HAL: variants seen among roughly 807,000 people sequenced by gnomAD.
HAL encodes the protein histidine ammonia-lyase.
HAL carries 85 observed loss-of-function variants against 81.1 expected under a neutral mutation model. The observed-to-expected ratio is 1.05, with a 90% CI of 0.88 to 1.25. HAL has a LOEUF of 1.25. Ranked by LOEUF, HAL falls within the 50% of genes most tolerant of loss-of-function variation. HAL has a pLI of 0.00. For missense variants in HAL, 798 were observed against 836.6 expected, an observed-to-expected ratio of 0.95 and a Z score of 0.57; for synonymous variants, 301 against 309.2, an observed-to-expected ratio of 0.97 and a Z score of 0.28.
In HAL at chr12:95,989,731, T is replaced by A. The variant is rs577095692; in HGVS notation, c.855+662A>T. 2.5e-5 allele frequency: 4 copies of A among 157,016 alleles called. No individual in the cohort carries two copies. The East Asian group carries it at 7.6e-4, about 30-fold the overall frequency. The allele number at this position is 157,016 out of a possible 1,614,324, so 9.7% of individuals were successfully genotyped here. Reference sequence around the variant, plus strand: ...GAAAACGCTGTCCATAGTGAAATAATCAAAGACAAGCCTGCACGGAAGACA... The same window carrying A: ...GAAAACGCTGTCCATAGTGAAATAAACAAAGACAAGCCTGCACGGAAGACA... On this transcript the variant is annotated intron_variant, in intron 10 of 20. Coordinates refer to ENST00000261208, the MANE Select transcript of HAL (RefSeq NM_002108.4).
Position 95,980,876 on chromosome 12 carries a change from G to A in HAL, c.1288-13C>T. 1 of 1,504,838 alleles carries A rather than the reference G, an allele frequency of 6.6e-7. No individual in the cohort carries two copies. 93.2% of individuals were successfully genotyped at this position (1,504,838 alleles called of 1,614,324 possible). A position where few individuals can be genotyped will look rare whatever the true frequency, so the allele number is the denominator to read the frequency against. On this transcript the variant is annotated splice_polypyrimidine_tract_variant and intron_variant, in intron 15 of 20. Transcript: ENST00000261208. The stretch of plus-strand genomic sequence containing the variant: ...TGGCAAAGACCATCTTTCAAAAGAG[G>A]TTAAGGCTTGAAGATAATGTTTGCT...
intron 11 of HAL, among the ~76,000 whole-genome samples, chr12:95,987,898 G>T (rs2270317): frequency 1.7e-5 from 2 of 114,910 alleles, no homozygotes; most frequent in South Asian, 3.6e-4. Context: ...TTGGCGGGGC[G>T]GGGGGGGCGG....
Position 95,987,218 on chromosome 12 carries a change from TC to T in HAL, c.904-5del, listed in dbSNP as rs780356223. On this transcript the variant is annotated splice_polypyrimidine_tract_variant and splice_region_variant and intron_variant, in intron 11 of 20. Transcript: ENST00000261208. The stretch of plus-strand genomic sequence containing the variant: ...TCCCATTGATGAGTGCCAGGCCCTG[TC>T]GGGGGAGAGAGCAAAGTTTCCTACT... 5.5e-5 allele frequency: 89 copies of T among 1,613,374 alleles called. No homozygotes were observed. In the African/African-American group the frequency reaches 1.0e-3, roughly 18 times the overall value.
intron 18 of HAL, 91 bp downstream of exon 18, chr12:95,977,853 T>C (rs1482026635): frequency 1.8e-5 from 24 of 1,350,940 alleles, no homozygotes; most frequent in Non-Finnish European, 2.4e-5. Flanking sequence ...TTCCAGGTGA[T>C]GCTGATGTTG....
In HAL at chr12:95,976,768, G is replaced by A. The variant is rs957213793; in HGVS notation, c.1655-62C>T. The A allele has an allele frequency of 3.7e-6, 4 of 1,086,126 alleles. No homozygotes were observed. In the African/African-American group the frequency reaches 4.6e-5, roughly 13 times the overall value. 67.3% of individuals were successfully genotyped at this position (1,086,126 alleles called of 1,614,324 possible). ...GTCTGACTTCATGCTTAAGGAATGTGGATTTCCCAAAGTTGACACCCATCA... is the reference window on the plus strand; with the variant it reads ...GTCTGACTTCATGCTTAAGGAATGTAGATTTCCCAAAGTTGACACCCATCA... On this transcript the variant is annotated intron_variant, in intron 18 of 20. Coordinates refer to ENST00000261208, the MANE Select transcript of HAL (RefSeq NM_002108.4).
intron 12 of HAL, 61 bp from the exon 13 acceptor site, chr12:95,986,221 G>T: frequency 9.8e-7 from 1 of 1,021,016 alleles, no homozygotes; most frequent in South Asian, 1.3e-5. Context: ...TTTTAAAGAT[G>T]GGGGTCTCAC....
rs770888966 is a variant in HAL, at chr12:95,993,797, T to C, written c.526A>G (p.Thr176Ala). Reference sequence around the variant, plus strand: ...TGTAGCTTATTGATAGGAATTACAGTTCTGGCAAATTTCCCAAAACCTGTA... The same window carrying C: ...TGTAGCTTATTGATAGGAATTACAGCTCTGGCAAATTTCCCAAAACCTGTA... ...ITTGFGKFAR[T>A]VIPINKLQEL... Residue 176 changes from threonine to alanine, a missense_variant, in exon 7 of 21, where the codon ACT (threonine) becomes GCT (alanine). Coordinates refer to ENST00000261208, the MANE Select transcript of HAL (RefSeq NM_002108.4). The C allele has an allele frequency of 6.3e-7, 1 of 1,574,912 alleles. No individual in the cohort carries two copies. Among genetic ancestry groups the C allele is most frequent in the Admixed American group, 1.7e-5 (1 of 59,986 alleles).
intron 11 of HAL, among the ~76,000 whole-genome samples, chr12:95,987,554 G>A (rs530269487): frequency 6.6e-6 from 1 of 152,148 alleles, no homozygotes; most frequent in East Asian, 1.9e-4. Flanking sequence ...TGTTATAGAT[G>A]AGACATCCAA....
At chr12:95,993,866 T>G in intron 6 of HAL, 28 bp from the exon 7 acceptor site, 2 of 1,487,978 alleles carry the variant, frequency 1.3e-6, no homozygotes, top group Non-Finnish European at 1.9e-6. Context: ...ATTATGCAAT[T>G]AAATGCAGGG....
At chr12:95,981,856 C>A (rs879709443) in intron 15 of HAL, among the ~76,000 whole-genome samples, 5 of 152,240 alleles carry the variant, frequency 3.3e-5, no homozygotes, top group Admixed American at 6.5e-5. Flanking sequence ...AAGAGCTAAT[C>A]TTTGCCTCTT....
At chr12:95,986,944 G>A (rs1415679954) in intron 12 of HAL, 123 bp downstream of exon 12, 2 of 822,768 alleles carry the variant, frequency 2.4e-6, no homozygotes, top group Admixed American at 1.8e-5. Context: ...TACGCCACAG[G>A]CACTTGGGTT....
At chr12:95,983,658 C>A (rs972886842) in intron 15 of HAL, 11 of 541,470 alleles carry the variant, frequency 2.0e-5, no homozygotes, top group Non-Finnish European at 3.3e-5. Flanking sequence ...CTTCTTAAAT[C>A]TTGAATAGGT....
At chr12:95,979,644 T>A (rs2136795009) in intron 17 of HAL, among the ~76,000 whole-genome samples, 1 of 152,346 alleles carries the variant, frequency 6.6e-6, no homozygotes, top group African/African-American at 2.4e-5. Flanking sequence ...ATTAAAAAAA[T>A]AATTTTTGTA....
Position 95,980,682 on chromosome 12 carries a change from C to A in HAL, c.1393G>T (p.Ala465Ser), listed in dbSNP as rs1247879745. ...CGCTCGATTCTTCTCTCACTGATTGCAGCAAGTTCATGGATGCCAATGGCC... is the reference window on the plus strand; with the variant it reads ...CGCTCGATTCTTCTCTCACTGATTGAAGCAAGTTCATGGATGCCAATGGCC... ...YLAIGIHELA[A>S]ISERRIERLC... is the part of the protein sequence containing the mutation. Residue 465 changes from alanine (A) to serine (S), a missense_variant, in exon 17 of 21, where the codon GCA (alanine) becomes TCA (serine). Coordinates refer to ENST00000261208, the MANE Select transcript of HAL (RefSeq NM_002108.4). The A allele has an allele frequency of 6.2e-7, 1 of 1,614,056 alleles. No homozygotes were observed. The highest frequency in any genetic ancestry group is 8.5e-7 in the Non-Finnish European group (1 of 1,179,912).
chr12:95,977,344 G>A (rs1184542106), intron 18 of HAL, among the ~76,000 whole-genome samples: 1 of 151,278 alleles, frequency 6.6e-6, no homozygotes, highest in Non-Finnish European at 1.5e-5. Flanking sequence ...AGAGTTCATG[G>A]TACTCTTCTC....
Position 95,990,458 on chromosome 12 carries a change from C to A in HAL, c.790G>T (p.Ala264Ser). Residue 264 changes from alanine to serine, a missense_variant, in exon 10 of 21, where the codon GCT (alanine) becomes TCT (serine). Coordinates refer to ENST00000261208, the MANE Select transcript of HAL (RefSeq NM_002108.4). ...TTCCCTTCTCCAACTAGCCCAAGAG[C>A]AAGATGAGAGAGTGGGGCAAGGTCT... is the stretch of plus-strand genomic sequence containing the variant. ...SGDLAPLSHL[A>S]LGLVGEGKMW... The A allele has an allele frequency of 6.2e-7, 1 of 1,612,758 alleles. No homozygotes were observed. Among genetic ancestry groups the A allele is most frequent in the Non-Finnish European group, 8.5e-7 (1 of 1,178,730 alleles).
In HAL at chr12:95,995,712, CGTT is replaced by C. The variant is rs1950026855; in HGVS notation, c.196_198del (p.Asn66del). Reference sequence around the variant, plus strand: ...TCTAGGGCCACCTCGAGCCGGTCCTCGTTGTCCAGCAGGCCCAGGCCCTTGCAC... The same window carrying C: ...TCTAGGGCCACCTCGAGCCGGTCCTCGTCCAGCAGGCCCAGGCCCTTGCAC... On this transcript the variant is annotated inframe_deletion, in exon 2 of 21. Transcript: ENST00000261208. 2 of 1,613,790 alleles carry C rather than the reference CGTT, an allele frequency of 1.2e-6. No individual in the cohort carries two copies. Among genetic ancestry groups the C allele is most frequent in the Non-Finnish European group, 1.7e-6 (2 of 1,180,028 alleles).
chr12:95,980,930 C>G, intron 15 of HAL, 67 bp from the exon 16 acceptor site: 1 of 941,518 alleles, frequency 1.1e-6, no homozygotes, highest in South Asian at 1.3e-5. Flanking sequence ...CCCTTCCTGC[C>G]TTCTTTTTTA....
rs1436790795 is a variant in HAL, at chr12:95,973,197, T to A, written c.*1035A>T. ...GGGCCTTGCACATATATGCACACACTGGTGCAAAGTCACAGAGCTTAGACT... is the reference window on the plus strand; with the variant it reads ...GGGCCTTGCACATATATGCACACACAGGTGCAAAGTCACAGAGCTTAGACT... On this transcript the variant is annotated 3_prime_UTR_variant, in exon 21 of 21. Transcript: ENST00000261208. 6.6e-6 allele frequency: 1 copy of A among 152,172 alleles called. No individual in the cohort carries two copies. Among genetic ancestry groups the A allele is most frequent in the Non-Finnish European group, 1.5e-5 (1 of 68,034 alleles). The allele number at this position is 152,172 out of a possible 1,614,324, so 9.4% of individuals were successfully genotyped here. A position where few individuals can be genotyped will look rare whatever the true frequency, so the allele number is the denominator to read the frequency against.
Sources: gnomAD v4.1 joint callset for allele counts (sites outside exome capture counted in the v4.1 genomes callset) on GRCh38, gnomAD v4.1.1 for gene constraint, MANE v1.5 for transcripts, NCBI Gene and HGNC (gene_info 2026-07-23, HGNC 2026-07-21) for gene names.